MYH9: variants seen among roughly 807,000 people sequenced by gnomAD.
The protein encoded by MYH9 is myosin heavy chain 9.
In MYH9, 29 loss-of-function variants were observed where a neutral mutation model predicts 241.9. The ratio of observed to expected loss-of-function variants is 0.12; its 90% CI spans 0.09 to 0.16. MYH9 has a LOEUF of 0.16. Among genes scored for constraint, MYH9 ranks in the 10% least tolerant of loss-of-function variants. The pLI is 1.00. For missense variants in MYH9, 1,803 were observed against 2,595.5 expected (o/e 0.69, Z 6.63); for synonymous variants, 1,047 against 1,062.6 (o/e 0.99, Z 0.29).
intron 25 of MYH9, 29 bp downstream of exon 25, chr22:36,296,814 G>GCT: frequency 6.3e-7 from 1 of 1,587,636 alleles, no homozygotes; most frequent in Non-Finnish European, 8.6e-7. Flanking sequence ...CAGGCCACCT[G>GCT]GCCTCAGGCG....
intron 1 of MYH9, among the ~76,000 whole-genome samples, chr22:36,352,870 G>A (rs1439589028): frequency 6.6e-6 from 1 of 152,232 alleles, no homozygotes; most frequent in African/African-American, 2.4e-5. Context: ...CCTGGCCAAG[G>A]ACAGGGCTAT....
chr22:36,357,894 C>T (rs1038592960), intron 1 of MYH9, among the ~76,000 whole-genome samples: 1 of 152,182 alleles, frequency 6.6e-6, no homozygotes, highest in African/African-American at 2.4e-5. Flanking sequence ...AACCAATCAA[C>T]CAGGCAGAAG....
chr22:36,377,314 T>C (rs117151404), intron 1 of MYH9, among the ~76,000 whole-genome samples: 3 of 152,284 alleles, frequency 2.0e-5, no homozygotes, highest in Non-Finnish European at 4.4e-5. Flanking sequence ...GGAAGCTGCC[T>C]TCTCTAGCTC....
rs746884005 is a variant in MYH9 at position 36,314,163 on chromosome 22, G to A, written c.1536C>T (p.Ile512=). 4 of 1,614,180 alleles carry A rather than the reference G, an allele frequency of 2.5e-6. No individual in the cohort carries two copies. Among genetic ancestry groups the A allele is most frequent in the Non-Finnish European group, 3.4e-6 (4 of 1,180,000 alleles). ...TACTCACTGGCTTCTCAATGAGGTC[G>A]ATGCAGGGCTGCAGGTCGAGGCCAA... ...IDFGLDLQPC[I]DLIEKPAGPP... Residue 512 remains isoleucine (I), a synonymous_variant, in exon 13 of 41, where the codon ATC becomes ATT. Coordinates refer to ENST00000216181, the MANE Select transcript of MYH9 (RefSeq NM_002473.6).
intron 1 of MYH9, among the ~76,000 whole-genome samples, chr22:36,356,669 T>A (rs936937937): frequency 1.3e-5 from 2 of 151,880 alleles, no homozygotes; most frequent in Non-Finnish European, 2.9e-5. Flanking sequence ...GATTCACTTA[T>A]TCAATCAACT....
intron 12 of MYH9, among the ~76,000 whole-genome samples, chr22:36,315,880 A>C (rs1221601817): frequency 6.8e-6 from 1 of 147,120 alleles, no homozygotes; most frequent in Non-Finnish European, 1.5e-5. Context: ...TCTACAAAAA[A>C]TTTAAAAATT....
chr22:36,324,422 C>A (rs917744281), intron 5 of MYH9, among the ~76,000 whole-genome samples: 1 of 152,272 alleles, frequency 6.6e-6, no homozygotes, highest in Non-Finnish European at 1.5e-5. Flanking sequence ...TGGGCCCCAG[C>A]TCGTACACAA....
rs2017189771 is a variant in MYH9, at chr22:36,318,202, C to T, written c.1227+5G>A. On this transcript the variant is annotated splice_donor_5th_base_variant and intron_variant, in intron 11 of 40. Coordinates refer to ENST00000216181, the MANE Select transcript of MYH9 (RefSeq NM_002473.6). ...AGCCAGCTGCCCTGGCCCCAGAGGA[C>T]ATACCTGCTCTTTAGTCTGCGCCTT... 6.2e-7 allele frequency: 1 copy of T among 1,613,318 alleles called. No homozygotes were observed.
intron 3 of MYH9, among the ~76,000 whole-genome samples, chr22:36,334,843 A>T (rs1430849363): frequency 6.6e-6 from 1 of 152,200 alleles, no homozygotes; most frequent in East Asian, 1.9e-4. Context: ...GGAGGACAAG[A>T]GGACAAAGGC....
chr22:36,294,733 G>A (rs57407685), intron 27 of MYH9, among the ~76,000 whole-genome samples, 199 bp downstream of exon 27: 4 of 152,284 alleles, frequency 2.6e-5, no homozygotes, highest in African/African-American at 9.6e-5. Context: ...AAATAATCAC[G>A]AGACAGACAT....
Position 36,288,657 on chromosome 22 carries a change from A to C in MYH9, c.4770+70T>G. ...GCCCTAACACAATCCAGGTGGAAGG[A>C]GAGAACAGAAGCCTGCGTGAAGCCA... On this transcript the variant is annotated intron_variant, in intron 33 of 40. Coordinates refer to ENST00000216181, the MANE Select transcript of MYH9 (RefSeq NM_002473.6). The surrounding 1 kb of genome is among the most constrained non-coding windows in gnomAD (Gnocchi z 4.8). 6.4e-7 allele frequency: 1 copy of C among 1,561,422 alleles called. No individual in the cohort carries two copies. The highest frequency in any genetic ancestry group is 8.7e-7 in the Non-Finnish European group (1 of 1,146,242).
intron 7 of MYH9, 122 bp from the exon 8 acceptor site, chr22:36,321,018 T>A (rs867869538): frequency 4.1e-6 from 3 of 734,680 alleles, no homozygotes; most frequent in South Asian, 1.5e-5. Context: ...AGTGGCATGA[T>A]CTCGGCTCAC....
In MYH9 at chr22:36,293,917, C is replaced by A; in HGVS notation, c.3838-54G>T. The stretch of plus-strand genomic sequence containing the variant: ...CATGGACCCACCCCCACTGCTCCTG[C>A]CCCACCTCATCTCCTTTAGGTAAAG... On this transcript the variant is annotated intron_variant, in intron 28 of 40. Coordinates refer to ENST00000216181, the MANE Select transcript of MYH9 (RefSeq NM_002473.6). This position sits in a 1 kb window ranked among gnomAD's most constrained non-coding sequence, Gnocchi z 5.1. 1 of 1,524,582 alleles carries A rather than the reference C, an allele frequency of 6.6e-7. No homozygotes were observed. The allele number at this position is 1,524,582 out of a possible 1,614,324, so 94.4% of individuals were successfully genotyped here.
At position 36,309,257 on chromosome 22, in the gene MYH9, A is replaced by AG. The variant is rs779907238; in HGVS notation, c.1843+24dup. On this transcript the variant is annotated intron_variant, in intron 15 of 40. Coordinates refer to ENST00000216181, the MANE Select transcript of MYH9 (RefSeq NM_002473.6). ...TGACCAGCCGCAGCCAAGAGGAGGC[A>AG]GGGGGCGAAGGGCAAAGGGCGTACC... 2.5e-6 allele frequency: 4 copies of AG among 1,589,670 alleles called. No individual in the cohort carries two copies. The East Asian group carries it at 6.7e-5, about 27-fold the overall frequency.
At chr22:36,384,603 AAAAAAAAAATATATATATATATATAT>A (rs2018312465) in intron 1 of MYH9, among the ~76,000 whole-genome samples, 3 of 47,182 alleles carry the variant, frequency 6.4e-5, no homozygotes, top group Admixed American at 3.9e-4. Flanking sequence ...AAAAAAAAAA[AAAAAAAAAATATATATATATATATAT>A]ATATATATAT....
chr22:36,288,143 G>T lies in MYH9; in HGVS notation c.4932+109C>A. The T allele has an allele frequency of 7.3e-7, 1 of 1,369,016 alleles. No homozygotes were observed. Among genetic ancestry groups the T allele is most frequent in the Admixed American group, 1.7e-5 (1 of 58,874 alleles). 84.8% of individuals were successfully genotyped at this position (1,369,016 alleles called of 1,614,324 possible). On this transcript the variant is annotated intron_variant, in intron 34 of 40. Coordinates refer to ENST00000216181, the MANE Select transcript of MYH9 (RefSeq NM_002473.6). The surrounding 1 kb of genome is among the most constrained non-coding windows in gnomAD (Gnocchi z 4.8). ...CTGGAAGCACCCAGGACCTTCCCAG[G>T]AGGTGCCACCCTGCCAGGTTCCCGC... is the stretch of plus-strand genomic sequence containing the variant.
intron 2 of MYH9, among the ~76,000 whole-genome samples, chr22:36,347,331 A>G (rs1306011711): frequency 6.6e-6 from 1 of 151,812 alleles, no homozygotes; most frequent in Non-Finnish European, 1.5e-5. Flanking sequence ...GCAAGGGACC[A>G]GCACTAAAGT....
rs759985495 is a variant in MYH9, at chr22:36,306,060, G to A, written c.2038-9C>T. 6 of 1,612,750 alleles carry A rather than the reference G, an allele frequency of 3.7e-6. No homozygotes were observed. In the Admixed American group the frequency reaches 1.0e-4, roughly 27 times the overall value. ...GGGTCCAGCTTGCCGGCCTGGAGAA[G>A]AAAACACATGCATGCGGTCTCACTT... On this transcript the variant is annotated splice_polypyrimidine_tract_variant and intron_variant, in intron 16 of 40. Transcript: ENST00000216181. The surrounding 1 kb of genome is among the most constrained non-coding windows in gnomAD (Gnocchi z 4.1).
chr22:36,360,177 C>T (rs1166983761), intron 1 of MYH9, among the ~76,000 whole-genome samples: 1 of 151,900 alleles, frequency 6.6e-6, no homozygotes, highest in African/African-American at 2.4e-5. Flanking sequence ...TATTTAATCC[C>T]CATTCTTCCT....
Sources: allele counts gnomAD v4.1 joint callset (sites outside exome capture counted in the v4.1 genomes callset), GRCh38; gene constraint gnomAD v4.1.1; non-coding constraint Gnocchi (gnomAD v3.1); transcripts MANE v1.5; gene names NCBI Gene and HGNC (gene_info 2026-07-23, HGNC 2026-07-21).